The following FEZ2 variants were observed in gnomAD, a reference collection of about 807,000 sequenced individuals.
The protein encoded by FEZ2 is fasciculation and elongation protein zeta 2, also known as fasciculation and elongation protein zeta-2.
In FEZ2, 51 loss-of-function variants were observed where a neutral mutation model predicts 40.4. The ratio of observed to expected loss-of-function variants is 1.26; its 90% CI spans 1.01 to 1.59. The LOEUF (loss-of-function observed/expected upper bound fraction) is 1.59, where lower values mean the gene tolerates loss of function less well. Among genes scored for constraint, FEZ2 ranks in the 40% most tolerant of loss-of-function variants. FEZ2 has a pLI of 0.00. For synonymous variants in FEZ2, 242 were observed against 172.0 expected (o/e 1.41, Z -3.18); for missense variants, 640 against 438.3 (o/e 1.46, Z -4.11).
intron 3 of FEZ2, among the ~76,000 whole-genome samples, chr2:36,582,557 T>A (rs967296187): frequency 1.3e-5 from 2 of 152,196 alleles, no homozygotes; most frequent in Non-Finnish European, 2.9e-5. Context: ...CAAAACAACC[T>A]TCCAACCTAC....
intron 7 of FEZ2, chr2:36,555,308 C>G (rs1667929312): frequency 6.1e-6 from 1 of 163,622 alleles, no homozygotes; most frequent in Admixed American, 6.3e-5. Context: ...CACTAATGAT[C>G]TGTCCTCCTT....
In FEZ2 at chr2:36,572,908, C is replaced by A. The variant is rs1190100044; in HGVS notation, c.903+5689G>T. Among the ~76,000 whole-genome samples the A allele has an allele frequency of 2.0e-5, 3 of 152,028 alleles. No homozygotes were observed. In the East Asian group the frequency reaches 5.8e-4, roughly 29 times the overall value. On this transcript the variant is annotated intron_variant, in intron 5 of 7. Transcript: ENST00000405912. ...AGAAAGAGTGTATATCATCTAAGCC[C>A]TAGCTCTCCCCCATCCTTCAGCAAT... is the stretch of plus-strand genomic sequence containing the variant.
In FEZ2 at chr2:36,591,266, C is replaced by T. The variant is rs143720490; in HGVS notation, c.267-255G>A. The T allele has an allele frequency of 1.8e-3, 853 of 486,994 alleles. 5 individuals are homozygous for T. The highest frequency in any genetic ancestry group is 0.015 in the African/African-American group (792 of 51,404). 30.2% of individuals were successfully genotyped at this position (486,994 alleles called of 1,614,324 possible). A position where few individuals can be genotyped will look rare whatever the true frequency, so the allele number is the denominator to read the frequency against. Reference sequence around the variant, plus strand: ...AAAACTGCCAATAGGCAGTAGGCAACACTTCCATTATATTAGGTGCTAGGC... The same window carrying T: ...AAAACTGCCAATAGGCAGTAGGCAATACTTCCATTATATTAGGTGCTAGGC... On this transcript the variant is annotated intron_variant, in intron 1 of 7. Transcript: ENST00000405912.
At chr2:36,592,685 T>C (rs2148352153) in intron 1 of FEZ2, among the ~76,000 whole-genome samples, 1 of 150,448 alleles carries the variant, frequency 6.6e-6, no homozygotes, top group East Asian at 2.0e-4. Context: ...GCCTGTGGCA[T>C]GTGCCGCAGT....
At chr2:36,586,958 A>C (rs932216962) in intron 2 of FEZ2, among the ~76,000 whole-genome samples, 1 of 152,168 alleles carries the variant, frequency 6.6e-6, no homozygotes, top group African/African-American at 2.4e-5. Context: ...TCTATCAATC[A>C]ATCAAATTGC....
intron 2 of FEZ2, 132 bp downstream of exon 2, chr2:36,590,771 A>G: frequency 1.6e-6 from 1 of 638,824 alleles, no homozygotes; most frequent in Non-Finnish European, 2.8e-6. Context: ...ATCAAGACAG[A>G]GCCACCCAAA....
intron 5 of FEZ2, among the ~76,000 whole-genome samples, chr2:36,571,163 C>T (rs1376513515): frequency 6.6e-6 from 1 of 152,194 alleles, no homozygotes; most frequent in Non-Finnish European, 1.5e-5. Flanking sequence ...ATTTGTTCCA[C>T]ATCTAAAGTA....
chr2:36,571,410 C>CA (rs2125228685), intron 5 of FEZ2, among the ~76,000 whole-genome samples: 2 of 152,312 alleles, frequency 1.3e-5, no homozygotes, highest in African/African-American at 4.8e-5. Flanking sequence ...CCTGTAATCC[C>CA]AGCACTTTGG....
intron 6 of FEZ2, chr2:36,558,200 G>T (rs964282062): frequency 3.2e-5 from 10 of 307,970 alleles, no homozygotes; most frequent in Non-Finnish European, 6.0e-5. Context: ...CAAAATTTTA[G>T]CTCATAAATA....
chr2:36,597,840 G>GGCTCCCGCCC, intron 1 of FEZ2, 37 bp downstream of exon 1: 1 of 1,318,620 alleles, frequency 7.6e-7, no homozygotes, highest in Non-Finnish European at 9.7e-7. Flanking sequence ...GGGTAGGGGA[G>GGCTCCCGCCC]GCTCCCGCCC....
intron 2 of FEZ2, among the ~76,000 whole-genome samples, chr2:36,584,727 T>C (rs1668853944): frequency 6.6e-6 from 1 of 152,224 alleles, no homozygotes. Flanking sequence ...AGAGGATATA[T>C]GTCTAAAGCT....
intron 5 of FEZ2, among the ~76,000 whole-genome samples, chr2:36,561,031 T>G (rs1205891423): frequency 6.6e-6 from 1 of 152,288 alleles, no homozygotes; most frequent in Non-Finnish European, 1.5e-5. Context: ...TTTAAAATGC[T>G]GTTGCTTCCA....
chr2:36,576,620 C>T (rs533014031), intron 5 of FEZ2, among the ~76,000 whole-genome samples: 2 of 152,278 alleles, frequency 1.3e-5, no homozygotes, highest in Non-Finnish European at 2.9e-5. Context: ...CAAGCTTAGC[C>T]GTGCCATTAC....
At position 36,570,296 on chromosome 2, in the gene FEZ2, A is replaced by G. The variant is rs2030648; in HGVS notation, c.903+8301T>C. Among the ~76,000 whole-genome samples, 14 of 152,242 alleles carry G rather than the reference A, an allele frequency of 9.2e-5. No homozygotes were observed. In the East Asian group the frequency reaches 2.3e-3, roughly 25 times the overall value. ...GCAGATACACACTTGAAAATCTTCA[A>G]TATTAAACAACTGTTATATGAGTTT... On this transcript the variant is annotated intron_variant, in intron 5 of 7. Coordinates refer to ENST00000405912, the MANE Select transcript of FEZ2 (RefSeq NM_005102.3).
chr2:36,596,818 T>C (rs1169608978), intron 1 of FEZ2, among the ~76,000 whole-genome samples: 3 of 152,094 alleles, frequency 2.0e-5, no homozygotes, highest in Non-Finnish European at 4.4e-5. Context: ...TCTCCCCCTA[T>C]ATACACAACA....
At chr2:36,554,447 T>C (rs1298476527) in intron 7 of FEZ2, among the ~76,000 whole-genome samples, 1 of 152,150 alleles carries the variant, frequency 6.6e-6, no homozygotes, top group African/African-American at 2.4e-5. Flanking sequence ...ACATGTTCTT[T>C]ATGTTCGTCT....
intron 2 of FEZ2, among the ~76,000 whole-genome samples, chr2:36,587,632 T>G (rs546917226): frequency 6.8e-6 from 1 of 148,078 alleles, no homozygotes; most frequent in Admixed American, 6.8e-5. Context: ...TTTCTCTTTT[T>G]AATGCAAAAA....
At chr2:36,578,496 TGCCCATGTAC>T in intron 5 of FEZ2, 91 bp downstream of exon 5, 2 of 1,191,998 alleles carry the variant, frequency 1.7e-6, no homozygotes, top group Non-Finnish European at 2.4e-6. Flanking sequence ...TTAACACTCC[TGCCCATGTAC>T]AACCTGTCGC....
At chr2:36,560,654 T>A in intron 5 of FEZ2, 1 of 535,696 alleles carries the variant, frequency 1.9e-6, no homozygotes, top group South Asian at 3.7e-5. Context: ...ATAATGAACT[T>A]TTATAATAAA....
Sources: allele counts gnomAD v4.1 joint callset (sites outside exome capture counted in the v4.1 genomes callset), GRCh38; gene constraint gnomAD v4.1.1; transcripts MANE v1.5; gene names NCBI Gene and HGNC (gene_info 2026-07-23, HGNC 2026-07-21).